The following SMARCA2 variants were observed in gnomAD, a reference collection of about 807,000 sequenced individuals.
SMARCA2 encodes the protein SWI/SNF-related matrix-associated actin-dependent regulator of chromatin subfamily A member 2.
Under a neutral mutation model 199.8 loss-of-function variants are expected in SMARCA2, and 61 were observed. The observed-to-expected ratio is 0.31, with a 90% CI of 0.25 to 0.38. SMARCA2 has a LOEUF of 0.38. Ranked by LOEUF, SMARCA2 falls within the 10% of genes least tolerant of loss-of-function variation. The pLI is 1.00. For missense variants in SMARCA2, 1,344 were observed against 2,012.2 expected, an observed-to-expected ratio of 0.67 and a Z score of 6.35; for synonymous variants, 935 against 732.0, an observed-to-expected ratio of 1.28 and a Z score of -4.48.
chr9:2,097,536 AC>A (rs1421736609), intron 21 of SMARCA2, 65 bp downstream of exon 21: 10 of 1,016,056 alleles, frequency 9.8e-6, no homozygotes, highest in South Asian at 2.9e-5. Flanking sequence ...TTAAAAAAAA[AC>A]AAACAAACAG....
chr9:2,151,734 A>G lies in SMARCA2; in HGVS notation c.3982-9952A>G, dbSNP rs561510232. On this transcript the variant is annotated intron_variant, in intron 27 of 33. Coordinates refer to ENST00000349721, the MANE Select transcript of SMARCA2 (RefSeq NM_003070.5). ...GGTGACAGAGCAAGACTTCGTATCA[A>G]AAATAAAAAATAAATGAATTAAAAA... Among the ~76,000 whole-genome samples the G allele has an allele frequency of 3.3e-5, 5 of 152,268 alleles. No individual in the cohort carries two copies. In the East Asian group the frequency reaches 9.6e-4, roughly 29 times the overall value.
At chr9:2,061,113 A>G in intron 9 of SMARCA2, 127 bp downstream of exon 9, 1 of 892,332 alleles carries the variant, frequency 1.1e-6, no homozygotes, top group African/African-American at 1.7e-5. Flanking sequence ...AATTGTGAAA[A>G]TTGCATAAAT....
intron 29 of SMARCA2, among the ~76,000 whole-genome samples, chr9:2,175,307 G>C (rs1270109986): frequency 1.4e-3 from 178 of 130,864 alleles, no homozygotes; most frequent in African/African-American, 2.6e-3. Flanking sequence ...GCTTGTCCCC[G>C]CCCCCCCCCA....
rs1440347537 is a variant in SMARCA2, at chr9:2,091,936, C to T, written c.2883+3323C>T. Among the ~76,000 whole-genome samples, 6 of 152,074 alleles carry T rather than the reference C, an allele frequency of 3.9e-5. No homozygotes were observed. The South Asian group carries it at 6.2e-4, about 16-fold the overall frequency. The stretch of plus-strand genomic sequence containing the variant: ...CACGGTTTTGTAAATGCAGGTCAAC[C>T]GCATAGGAAAATTAGCTTTAATATT... On this transcript the variant is annotated intron_variant, in intron 19 of 33. Coordinates refer to ENST00000349721, the MANE Select transcript of SMARCA2 (RefSeq NM_003070.5).
intron 8 of SMARCA2, among the ~76,000 whole-genome samples, chr9:2,059,869 C>T (rs2130358854): frequency 6.6e-6 from 1 of 152,138 alleles, no homozygotes; most frequent in South Asian, 2.1e-4. Context: ...GCAGCTTGCT[C>T]CTTTTATCGT....
In SMARCA2 at chr9:2,039,773, G is replaced by GCAA. The variant is rs747578881; in HGVS notation, c.666_668dup (p.Gln238dup). Reference sequence around the variant, plus strand: ...CTGGCTTGCAGCAACAACAGCAGCAGCAACAGCAGCAGCAGCAGCAGCAGC... The same window carrying GCAA: ...CTGGCTTGCAGCAACAACAGCAGCAGCAACAACAGCAGCAGCAGCAGCAGCAGC... On this transcript the variant is annotated inframe_insertion, in exon 4 of 34. Transcript: ENST00000349721. This position sits in a 1 kb window ranked among gnomAD's most constrained non-coding sequence, Gnocchi z 4.8. The GCAA allele has an allele frequency of 8.1e-6, 13 of 1,603,122 alleles. No individual in the cohort carries two copies. The South Asian group carries it at 1.4e-4, about 18-fold the overall frequency.
At chr9:2,121,343 G>C (rs1227596344) in intron 26 of SMARCA2, among the ~76,000 whole-genome samples, 2 of 152,202 alleles carry the variant, frequency 1.3e-5, no homozygotes, top group African/African-American at 4.8e-5. Flanking sequence ...ACTTTTTGTA[G>C]GCACTTTGAT....
chr9:2,178,729 T>G (rs759541638), intron 29 of SMARCA2, among the ~76,000 whole-genome samples: 7 of 152,200 alleles, frequency 4.6e-5, no homozygotes, highest in Non-Finnish European at 1.0e-4. Flanking sequence ...TGTTTAATTT[T>G]TTTTTAACCT....
At chr9:2,096,974 C>A (rs1822299784) in intron 20 of SMARCA2, 2 of 555,676 alleles carry the variant, frequency 3.6e-6, no homozygotes, top group Admixed American at 3.2e-5. Context: ...GTTCATATTA[C>A]CAAAATAGTT....
chr9:2,155,874 C>T (rs539321603), intron 27 of SMARCA2, among the ~76,000 whole-genome samples: 1 of 151,630 alleles, frequency 6.6e-6, no homozygotes, highest in Non-Finnish European at 1.5e-5. Context: ...CATTTCAGTC[C>T]CAAATCAGGG....
At chr9:2,181,113 T>G (rs1461809927) in intron 29 of SMARCA2, 1 of 153,804 alleles carries the variant, frequency 6.5e-6, no homozygotes, top group Non-Finnish European at 1.4e-5. Flanking sequence ...AACATATTAT[T>G]TTGAGTTACT....
chr9:2,059,286 T>C (rs1315037187), intron 8 of SMARCA2, among the ~76,000 whole-genome samples: 1 of 152,124 alleles, frequency 6.6e-6, no homozygotes, highest in African/African-American at 2.4e-5. Context: ...TCCTGGAAAA[T>C]TCTAAGTGAC....
chr9:2,147,286 A>AC (rs1372205899), intron 27 of SMARCA2, among the ~76,000 whole-genome samples: 4 of 150,940 alleles, frequency 2.7e-5, no homozygotes, highest in African/African-American at 9.7e-5. Context: ...CTTCTTTATG[A>AC]CCCCCATTCC....
chr9:2,170,311 G>T lies in SMARCA2; in HGVS notation c.4200-108G>T. The T allele has an allele frequency of 2.2e-6, 3 of 1,372,730 alleles. No homozygotes were observed. The highest frequency in any genetic ancestry group is 3.0e-6 in the Non-Finnish European group (3 of 986,642). 85.0% of individuals were successfully genotyped at this position (1,372,730 alleles called of 1,614,324 possible). A position where few individuals can be genotyped will look rare whatever the true frequency, so the allele number is the denominator to read the frequency against. On this transcript the variant is annotated intron_variant, in intron 28 of 33. Coordinates refer to ENST00000349721, the MANE Select transcript of SMARCA2 (RefSeq NM_003070.5). The surrounding 1 kb of genome is among the most constrained non-coding windows in gnomAD (Gnocchi z 4.7). ...TGTAATCTTCCTAACAAGGCAGGTT[G>T]GTGAGGAGACTGAGGCTTGGCCAGG...
intron 4 of SMARCA2, chr9:2,044,565 G>T (rs1481266020): frequency 6.6e-6 from 1 of 152,228 alleles, no homozygotes; most frequent in African/African-American, 2.4e-5. Flanking sequence ...GGTTGAACAG[G>T]TAGACACTGT....
chr9:2,035,032 ATT>A (rs1441682830), intron 3 of SMARCA2, among the ~76,000 whole-genome samples: 1 of 150,088 alleles, frequency 6.7e-6, no homozygotes, highest in African/African-American at 2.4e-5. Flanking sequence ...TTATTTATTT[ATT>A]TATTTATTTA....
At chr9:2,147,803 G>A (rs1435457109) in intron 27 of SMARCA2, among the ~76,000 whole-genome samples, 18 of 151,322 alleles carry the variant, frequency 1.2e-4, no homozygotes, top group South Asian at 6.3e-4. Context: ...AGCTGAGTTC[G>A]CACCATTGCA....
At chr9:2,057,820 A>C (rs560929221) in intron 7 of SMARCA2, among the ~76,000 whole-genome samples, 14 of 152,334 alleles carry the variant, frequency 9.2e-5, no homozygotes, top group African/African-American at 3.1e-4. Context: ...AAGTGGATAC[A>C]AATTCTGCAT....
chr9:2,084,112 T>C lies in SMARCA2; in HGVS notation c.2442T>C (p.Leu814=), dbSNP rs1409348183. ...GTACTCCTGCCATGCGTCGCTCCCT[T>C]GTCCCCCAGCTACGGAGTGGCAAAT... The part of the protein sequence containing the change: ...YKGTPAMRRS[L]VPQLRSGKFN... The change falls in exon 17 of 34, where the codon CTT becomes CTC. Residue 814 remains leucine (L), a synonymous_variant. Transcript: ENST00000349721. 1 of 1,612,246 alleles carries C rather than the reference T, an allele frequency of 6.2e-7. No individual in the cohort carries two copies. Among genetic ancestry groups the C allele is most frequent in the Admixed American group, 1.7e-5 (1 of 60,010 alleles).
Sources: allele counts gnomAD v4.1 joint callset (sites outside exome capture counted in the v4.1 genomes callset), GRCh38; gene constraint gnomAD v4.1.1; non-coding constraint Gnocchi (gnomAD v3.1); transcripts MANE v1.5; gene names NCBI Gene and HGNC (gene_info 2026-07-23, HGNC 2026-07-21).